The following ANKS6 variants were observed in gnomAD, a reference collection of about 807,000 sequenced individuals.
The protein encoded by ANKS6 is ankyrin repeat and sterile alpha motif domain containing 6.
Under a neutral mutation model 77.9 loss-of-function variants are expected in ANKS6, and 47 were observed. That is an observed-to-expected ratio of 0.60 (90% confidence interval 0.48 to 0.77). The LOEUF (loss-of-function observed/expected upper bound fraction) is 0.77. Ranked by LOEUF, ANKS6 falls within the 30% of genes least tolerant of loss-of-function variation. The pLI is 0.00. For missense variants in ANKS6, 1,150 were observed against 1,159.1 expected, an observed-to-expected ratio of 0.99 and a Z score of 0.11; for synonymous variants, 488 against 501.7, an observed-to-expected ratio of 0.97 and a Z score of 0.37.
At chr9:98,770,669 C>A (rs1833569968) in intron 10 of ANKS6, among the ~76,000 whole-genome samples, 1 of 152,158 alleles carries the variant, frequency 6.6e-6, no homozygotes, top group South Asian at 2.1e-4. Context: ...AAAAAAAAAG[C>A]ATTCTGGACT....
At chr9:98,777,142 AC>A (rs1474092349) in intron 8 of ANKS6, among the ~76,000 whole-genome samples, 1 of 151,944 alleles carries the variant, frequency 6.6e-6, no homozygotes, top group African/African-American at 2.4e-5. Flanking sequence ...ATCAATTCCT[AC>A]CCTCAATCCC....
At position 98,780,319 on chromosome 9, in the gene ANKS6, A is replaced by C; in HGVS notation, c.1238T>G (p.Leu413Arg). ...LNDPDTELVR[L>R]LASVCMQVNK... ...CACCTGCATGCAGACAGATGCCAGC[A>C]GTCGAACAAGTTCCGTGTCTATGGA... is the stretch of plus-strand genomic sequence containing the variant. The change falls in exon 6 of 15, where the codon CTG becomes CGG. Residue 413 changes from leucine to arginine, a missense_variant. Transcript: ENST00000353234. 3.7e-6 allele frequency: 6 copies of C among 1,600,496 alleles called. No individual in the cohort carries two copies. The highest frequency in any genetic ancestry group is 5.1e-6 in the Non-Finnish European group (6 of 1,172,970).
rs761824452 is a variant in ANKS6 at position 98,784,044 on chromosome 9, G to C, written c.1021C>G (p.Leu341Val). 4 of 1,611,682 alleles carry C rather than the reference G, an allele frequency of 2.5e-6. No individual in the cohort carries two copies. Among genetic ancestry groups the C allele is most frequent in the East Asian group, 2.2e-5 (1 of 44,736 alleles). ...MLAAVTGQLALVQLLVERHAD... is the reference protein window; with the variant it reads ...MLAAVTGQLAVVQLLVERHAD... ...TGCCTCTCCACCAGCAGCTGCACCA[G>C]AGCCAGCTGCCCCGTAACAGCTGCT... Residue 341 changes from leucine to valine, a missense_variant, in exon 4 of 15, where the codon CTG becomes GTG. Transcript: ENST00000353234.
chr9:98,777,336 C>G (rs1346017678), intron 8 of ANKS6, 69 bp downstream of exon 8: 2 of 1,526,426 alleles, frequency 1.3e-6, no homozygotes, highest in South Asian at 2.2e-5. Context: ...ACCTACATCC[C>G]TCCTTGTAAA....
At chr9:98,795,272 G>A (rs1345588646) in intron 1 of ANKS6, among the ~76,000 whole-genome samples, 1 of 152,042 alleles carries the variant, frequency 6.6e-6, no homozygotes, top group African/African-American at 2.4e-5. Context: ...TTTGACTCTA[G>A]CTTACCCTAG....
intron 11 of ANKS6, among the ~76,000 whole-genome samples, chr9:98,765,282 T>C (rs994015777): frequency 6.6e-6 from 1 of 152,146 alleles, no homozygotes; most frequent in African/African-American, 2.4e-5. Context: ...TGGGTAAATA[T>C]AAGATTATTT....
At chr9:98,764,918 T>C (rs577225384) in intron 11 of ANKS6, among the ~76,000 whole-genome samples, 2 of 152,338 alleles carry the variant, frequency 1.3e-5, no homozygotes, top group East Asian at 3.9e-4. Flanking sequence ...TTTTTGTATG[T>C]CTTGTAAATT....
chr9:98,783,807 T>A (rs1588407950), intron 4 of ANKS6, 146 bp downstream of exon 4: 1 of 614,684 alleles, frequency 1.6e-6, no homozygotes, highest in African/African-American at 1.9e-5. Flanking sequence ...GTGCCGCTTT[T>A]TTTTTTTTTT....
intron 6 of ANKS6, among the ~76,000 whole-genome samples, chr9:98,779,605 C>T (rs1035578021): frequency 1.3e-5 from 2 of 151,910 alleles, no homozygotes; most frequent in Admixed American, 6.6e-5. Flanking sequence ...TTCTGTCGCC[C>T]AGGCTGGAGT....
intron 2 of ANKS6, chr9:98,789,877 C>T: frequency 3.7e-6 from 2 of 546,490 alleles, no homozygotes; most frequent in Non-Finnish European, 5.9e-6. Flanking sequence ...TAGAGGCTTC[C>T]AGGCTCTTGC....
At position 98,790,085 on chromosome 9, in the gene ANKS6, G is replaced by A. The variant is rs1256535251; in HGVS notation, c.862+19C>T. ...AATTTGGGGTCCTCTGTGAAGCCAC[G>A]GGGGGCATGCAGCCTGACCTGTTTT... On this transcript the variant is annotated intron_variant, in intron 2 of 14. Transcript: ENST00000353234. 8 of 1,537,390 alleles carry A rather than the reference G, an allele frequency of 5.2e-6. No homozygotes were observed. Among genetic ancestry groups the A allele is most frequent in the Middle Eastern group, 3.6e-4 (2 of 5,584 alleles).
chr9:98,778,393 C>T lies in ANKS6; in HGVS notation c.1400G>A (p.Arg467Gln), dbSNP rs541130489. 5.2e-5 allele frequency: 84 copies of T among 1,614,076 alleles called. 1 individual carries two copies. Among genetic ancestry groups the T allele is most frequent in the Admixed American group, 1.2e-4 (7 of 60,020 alleles). The change falls in exon 7 of 15, where the codon CGA becomes CAA. Residue 467 changes from arginine (R) to glutamine (Q), a missense_variant. Physicochemically the swap from Arg to Gln is conservative, Grantham distance 43. Coordinates refer to ENST00000353234, the MANE Select transcript of ANKS6 (RefSeq NM_173551.5). ...CAGCGTCTGCATCAGTTTGAGCTTT[C>T]GGAACCGATTGGACATTCGGTTCCA... is the stretch of plus-strand genomic sequence containing the variant. ...SWWNRMSNRFRKLKLMQTLPR... is the reference protein window; with the variant it reads ...SWWNRMSNRFQKLKLMQTLPR...
At chr9:98,789,530 G>A (rs1165193976) in intron 2 of ANKS6, among the ~76,000 whole-genome samples, 1 of 152,010 alleles carries the variant, frequency 6.6e-6, no homozygotes, top group African/African-American at 2.4e-5. Context: ...TCAGGGCAGA[G>A]GAGGTCAGGC....
rs115301353 is a variant in ANKS6, at chr9:98,747,333, C to T, written c.2395-1658G>A. Among the ~76,000 whole-genome samples the T allele has an allele frequency of 4.7e-3, 708 of 151,334 alleles. 5 individuals carry two copies. Among genetic ancestry groups the T allele is most frequent in the African/African-American group, 0.016 (665 of 41,190 alleles). On this transcript the variant is annotated intron_variant, in intron 13 of 14. Transcript: ENST00000353234. The stretch of plus-strand genomic sequence containing the variant: ...GAGATTTTCTTTCTGAAATTTTCCC[C>T]GCCCCCACCTCTCCTTTTCTCTGTT...
At chr9:98,766,846 A>T (rs868247067) in intron 11 of ANKS6, among the ~76,000 whole-genome samples, 2 of 152,172 alleles carry the variant, frequency 1.3e-5, no homozygotes, top group African/African-American at 4.8e-5. Context: ...AGGTCCATGG[A>T]TGAGGGAGGC....
chr9:98,756,670 A>G, intron 11 of ANKS6, 67 bp from the exon 12 acceptor site: 3 of 1,334,890 alleles, frequency 2.2e-6, no homozygotes, highest in Non-Finnish European at 3.0e-6. Context: ...AAAACAAGAC[A>G]CCCACAACAG....
chr9:98,789,750 G>A (rs1834781187), intron 2 of ANKS6, among the ~76,000 whole-genome samples: 1 of 152,190 alleles, frequency 6.6e-6, no homozygotes, highest in Non-Finnish European at 1.5e-5. Flanking sequence ...AACAGAGACT[G>A]TATGGTCCAT....
At chr9:98,746,030 G>A (rs117359414) in intron 13 of ANKS6, 3,057 of 284,284 alleles carry the variant, frequency 0.011, 26 homozygotes, top group Non-Finnish European at 0.014. Flanking sequence ...AACAATATCG[G>A]ATACTGTACA....
intron 1 of ANKS6, 33 bp downstream of exon 1, chr9:98,796,099 TC>T: frequency 2.3e-6 from 3 of 1,304,386 alleles, no homozygotes; most frequent in Non-Finnish European, 2.9e-6. Context: ...CGGGCACCAC[TC>T]TGGTCCCGGG....
Sources: allele counts gnomAD v4.1 joint callset (sites outside exome capture counted in the v4.1 genomes callset), GRCh38; gene constraint gnomAD v4.1.1; transcripts MANE v1.5; gene names NCBI Gene and HGNC (gene_info 2026-07-23, HGNC 2026-07-21).